Variants in TACC2 observed in about 807,000 individuals in gnomAD.
The protein encoded by TACC2 is transforming acidic coiled-coil containing protein 2.
Under a neutral mutation model 227.3 loss-of-function variants are expected in TACC2, and 137 were observed. The observed-to-expected ratio is 0.60, with a 90% CI of 0.52 to 0.69. The LOEUF (loss-of-function observed/expected upper bound fraction) is 0.69, where lower values mean the gene tolerates loss of function less well. Among genes scored for constraint, TACC2 ranks in the 30% least tolerant of loss-of-function variants. TACC2 has a pLI of 0.00. For missense variants in TACC2, 3,470 were observed against 3,694.4 expected (o/e 0.94, Z 1.57); for synonymous variants, 1,523 against 1,487.5 (o/e 1.02, Z -0.55).
Position 122,087,834 on chromosome 10 carries a change from G to A in TACC2, c.5334G>A (p.Gln1778=). The stretch of plus-strand genomic sequence containing the variant: ...CCAGGCCCCAGCAGGCTAAGGAGCA[G>A]CCAGGGCCTGAGCGCCCCATTCCAG... ...SPARPQQAKE[Q]PGPERPIPAG... is the part of the protein sequence containing the mutation. Residue 1778 remains glutamine, a synonymous_variant, in exon 4 of 23, where the codon CAG becomes CAA. Transcript: ENST00000369005. 1 of 1,548,092 alleles carries A rather than the reference G, an allele frequency of 6.5e-7. No homozygotes were observed. The highest frequency in any genetic ancestry group is 1.3e-5 in the South Asian group (1 of 79,428).
intron 8 of TACC2, among the ~76,000 whole-genome samples, chr10:122,203,204 C>CAG (rs1565602787): frequency 6.6e-6 from 1 of 152,006 alleles, no homozygotes; most frequent in African/African-American, 2.4e-5. Context: ...GGTGGCCGGG[C>CAG]AGAGGGGCTC....
At chr10:122,239,912 C>T (rs149102407) in intron 18 of TACC2, among the ~76,000 whole-genome samples, 4 of 152,316 alleles carry the variant, frequency 2.6e-5, no homozygotes, top group African/African-American at 9.6e-5. Flanking sequence ...CCTCACTTTG[C>T]TTATTAACTT....
intron 7 of TACC2, among the ~76,000 whole-genome samples, chr10:122,183,002 G>A (rs1255858729): frequency 6.6e-6 from 1 of 151,518 alleles, no homozygotes; most frequent in Non-Finnish European, 1.5e-5. Flanking sequence ...CCAGGAGTTC[G>A]AGACCAGCCT....
chr10:122,189,350 G>A (rs1337454991), intron 7 of TACC2, among the ~76,000 whole-genome samples: 2 of 152,156 alleles, frequency 1.3e-5, no homozygotes, highest in African/African-American at 2.4e-5. Flanking sequence ...ATCTGTCGCC[G>A]AGGGCTCAGT....
At chr10:122,102,773 GGC>G (rs2082320283) in intron 5 of TACC2, among the ~76,000 whole-genome samples, 1 of 152,142 alleles carries the variant, frequency 6.6e-6, no homozygotes, top group African/African-American at 2.4e-5. Context: ...GTGTGAACTG[GGC>G]TCTGTGTGCC....
rs778199158 is a variant in TACC2 at position 122,132,615 on chromosome 10, T to C, written c.5580T>C (p.Pro1860=). The change falls in exon 6 of 23, where the codon CCT becomes CCC. Residue 1860 remains proline (P), a synonymous_variant. Coordinates refer to ENST00000369005, the MANE Select transcript of TACC2 (RefSeq NM_206862.4). ...TTCCCTTTTCTCTCCCCAGTTCACCTGTGGCAGATGATATCATCCAGCCCG... is the reference window on the plus strand; with the variant it reads ...TTCCCTTTTCTCTCCCCAGTTCACCCGTGGCAGATGATATCATCCAGCCCG... ...TRGAEGTESS[P]VADDIIQPAA... 6.2e-7 allele frequency: 1 copy of C among 1,614,222 alleles called. No homozygotes were observed. Among genetic ancestry groups the C allele is most frequent in the East Asian group, 2.2e-5 (1 of 44,888 alleles).
At chr10:122,193,300 G>T (rs1029544239) in intron 7 of TACC2, among the ~76,000 whole-genome samples, 2 of 152,176 alleles carry the variant, frequency 1.3e-5, no homozygotes, top group African/African-American at 4.8e-5. Flanking sequence ...CAAACTAGTT[G>T]TAAAAGCATT....
chr10:122,183,796 G>GAC (rs748780605), intron 7 of TACC2, among the ~76,000 whole-genome samples: 1 of 152,152 alleles, frequency 6.6e-6, no homozygotes, highest in Non-Finnish European at 1.5e-5. Context: ...AGGCTCAGAA[G>GAC]ACACGTATGC....
At chr10:122,235,277 A>G (rs1435980752) in intron 16 of TACC2, among the ~76,000 whole-genome samples, 2 of 152,162 alleles carry the variant, frequency 1.3e-5, no homozygotes, top group Non-Finnish European at 2.9e-5. Context: ...TAGTAGAGAC[A>G]GGGTTTTGCC....
chr10:122,143,470 C>G, intron 6 of TACC2, 102 bp from the exon 7 acceptor site: 1 of 1,135,260 alleles, frequency 8.8e-7, no homozygotes, highest in Non-Finnish European at 1.2e-6. Flanking sequence ...AGAGTCCATT[C>G]CATGTGTGGG....
At chr10:122,058,925 T>C (rs2076485523) in intron 3 of TACC2, among the ~76,000 whole-genome samples, 1 of 149,164 alleles carries the variant, frequency 6.7e-6, no homozygotes, top group Non-Finnish European at 1.5e-5. Flanking sequence ...ACGGTTTCGT[T>C]TTTGGTGTCC....
rs773633306 is a variant in TACC2, at chr10:122,085,641, G to A, written c.3141G>A (p.Gln1047=). The A allele has an allele frequency of 6.2e-7, 1 of 1,613,394 alleles. No individual in the cohort carries two copies. The highest frequency in any genetic ancestry group is 8.5e-7 in the Non-Finnish European group (1 of 1,180,042). The part of the protein sequence containing the change: ...SGNTGEAPPC[Q]PDSVALLDAV... ...ACACAGGGGAGGCCCCACCTTGTCA[G>A]CCTGACTCAGTAGCTCTCCTGGATG... The change falls in exon 4 of 23, where the codon CAG becomes CAA. Residue 1047 remains glutamine (Q), a synonymous_variant. Coordinates refer to ENST00000369005, the MANE Select transcript of TACC2 (RefSeq NM_206862.4).
chr10:122,247,593 A>T (rs911783), intron 19 of TACC2: 64,771 of 152,094 alleles, frequency 0.43, 14,140 homozygotes, highest in African/African-American at 0.53. Flanking sequence ...GTCATGTCCT[A>T]GGTACCAGCA....
intron 7 of TACC2, among the ~76,000 whole-genome samples, chr10:122,157,881 A>G (rs1220825816): frequency 6.6e-6 from 1 of 152,090 alleles, no homozygotes; most frequent in East Asian, 1.9e-4. Flanking sequence ...AAAGAAAGAA[A>G]GATTTTGAGG....
chr10:122,211,049 G>C lies in TACC2; in HGVS notation c.6624G>C (p.Glu2208Asp), dbSNP rs150139481. The C allele has an allele frequency of 5.6e-6, 9 of 1,612,256 alleles. No homozygotes were observed. Among genetic ancestry groups the C allele is most frequent in the Non-Finnish European group, 7.6e-6 (9 of 1,179,286 alleles). Residue 2208 changes from glutamate (E) to aspartate (D), a missense_variant, in exon 9 of 23, where the codon GAG (glutamate) becomes GAC (aspartate). This residue lies in a region of TACC2 where 593 missense variants were observed against 636.6 expected (regional missense o/e 0.93). Transcript: ENST00000369005. ...AAGCTGCCTGCCCTCTGGACTCAGA[G>C]AGTGCAGAAGGGGTTGTCCCCCCGG... ...GPKAACPLDS[E>D]SAEGVVPPAS... is the part of the protein sequence containing the mutation.
chr10:122,149,298 G>GC (rs1435557723), intron 7 of TACC2, among the ~76,000 whole-genome samples: 3 of 152,218 alleles, frequency 2.0e-5, no homozygotes, highest in Non-Finnish European at 4.4e-5. Context: ...TGGAAACCTG[G>GC]CCAAGGGCTG....
At position 122,021,944 on chromosome 10, in the gene TACC2, T is replaced by C. The variant is rs1173514668; in HGVS notation, c.-38T>C. On this transcript the variant is annotated 5_prime_UTR_variant, in exon 2 of 23. Coordinates refer to ENST00000369005, the MANE Select transcript of TACC2 (RefSeq NM_206862.4). ...CCCTTTTGTTTCTTCCAGTCACCTC[T>C]GACAAAATTCTGGGGACGCTGGGAA... 2 of 1,612,722 alleles carry C rather than the reference T, an allele frequency of 1.2e-6. No homozygotes were observed. Among genetic ancestry groups the C allele is most frequent in the Non-Finnish European group, 1.7e-6 (2 of 1,178,766 alleles).
intron 18 of TACC2, 65 bp from the exon 19 acceptor site, chr10:122,241,893 C>T (rs558540899): frequency 6.7e-7 from 1 of 1,493,982 alleles, no homozygotes; most frequent in South Asian, 1.1e-5. Context: ...CTGTGGCGTC[C>T]AGCTGTGTGA....
chr10:122,180,925 G>A lies in TACC2; in HGVS notation c.5835-14115G>A, dbSNP rs1275419876. 1.3e-5 allele frequency among the ~76,000 whole-genome samples: 2 copies of A among 151,708 alleles called. No homozygotes were observed. Among genetic ancestry groups the A allele is most frequent in the East Asian group, 2.0e-4 (1 of 5,106 alleles). Reference sequence around the variant, plus strand: ...TGTCCACCTAATTTTTATATTTTTAGTAGAGACAGGGTTTCACCATGTTGC... The same window carrying A: ...TGTCCACCTAATTTTTATATTTTTAATAGAGACAGGGTTTCACCATGTTGC... On this transcript the variant is annotated intron_variant, in intron 7 of 22. Coordinates refer to ENST00000369005, the MANE Select transcript of TACC2 (RefSeq NM_206862.4). The surrounding 1 kb of genome is among the most constrained non-coding windows in gnomAD (Gnocchi z 4.5).
Sources: gnomAD v4.1 joint callset for allele counts (sites outside exome capture counted in the v4.1 genomes callset) on GRCh38, gnomAD v4.1.1 for gene constraint, gnomAD v4.1.1 regional missense constraint, Gnocchi (gnomAD v3.1) non-coding constraint, MANE v1.5 for transcripts, NCBI Gene and HGNC (gene_info 2026-07-23, HGNC 2026-07-21) for gene names.